Variants in TMEM87A observed in about 807,000 individuals in gnomAD.
TMEM87A encodes transmembrane protein 87A, also known as Golgi-pH regulating cation channel.
A neutral mutation model predicts 90.0 loss-of-function variants in TMEM87A; 50 were observed. That is an observed-to-expected ratio of 0.56 (90% confidence interval 0.44 to 0.70). TMEM87A has a LOEUF of 0.70. TMEM87A is among the 30% of genes least tolerant of loss of function. TMEM87A has a pLI of 0.00. For synonymous variants in TMEM87A, 226 were observed against 226.7 expected (o/e 1.00, Z 0.03); for missense variants, 577 against 660.5 (o/e 0.87, Z 1.39).
chr15:42,237,449 C>A lies in TMEM87A; in HGVS notation c.851G>T (p.Arg284Leu), dbSNP rs759547423. 1.2e-6 allele frequency: 2 copies of A among 1,613,804 alleles called. No homozygotes were observed. The highest frequency in any genetic ancestry group is 1.7e-6 in the Non-Finnish European group (2 of 1,179,962). ...AVFYAEFQNI[R>L]YKGESVQGAL... Reference sequence around the variant, plus strand: ...TTACTTACCAGATTCTCCTTTGTATCGGATATTCTGAAATTCCGCATAGAA... The same window carrying A: ...TTACTTACCAGATTCTCCTTTGTATAGGATATTCTGAAATTCCGCATAGAA... The change falls in exon 9 of 20, where the codon CGA becomes CTA. Residue 284 changes from arginine to leucine, a missense_variant. Transcript: ENST00000389834.
At chr15:42,237,656 G>C in intron 8 of TMEM87A, 41 bp from the exon 9 acceptor site, 2 of 1,468,850 alleles carry the variant, frequency 1.4e-6, no homozygotes, top group Non-Finnish European at 1.8e-6. Context: ...GAGAATTAGG[G>C]CCAAGAGCCA....
intron 12 of TMEM87A, among the ~76,000 whole-genome samples, 166 bp from the exon 13 acceptor site, chr15:42,228,986 A>G (rs553614338): frequency 1.3e-5 from 2 of 152,234 alleles, no homozygotes; most frequent in South Asian, 4.1e-4. Flanking sequence ...CTCAAGATGA[A>G]TAAGAAAGTC....
At chr15:42,248,365 T>C (rs532822021) in intron 6 of TMEM87A, among the ~76,000 whole-genome samples, 1 of 152,324 alleles carries the variant, frequency 6.6e-6, no homozygotes, top group Admixed American at 6.5e-5. Flanking sequence ...TCTGCCAGTT[T>C]TCAAAGGGAA....
chr15:42,221,371 A>T (rs2050482911), intron 15 of TMEM87A, among the ~76,000 whole-genome samples: 1 of 152,220 alleles, frequency 6.6e-6, no homozygotes, highest in Non-Finnish European at 1.5e-5. Context: ...GAAAAGCTGT[A>T]TATATTTTTA....
In TMEM87A at chr15:42,273,236, TAGTGA is replaced by T. The variant is rs766104790; in HGVS notation, c.144+14_144+18del. ...CCCTTGCTCCTCTAGGTTCAGACGT[TAGTGA>T]AGTGAATACTCACCGACGGTATCGG... On this transcript the variant is annotated intron_variant, in intron 1 of 19. Transcript: ENST00000389834. The T allele has an allele frequency of 2.3e-4, 373 of 1,613,814 alleles. 1 individual carries two copies. Among genetic ancestry groups the T allele is most frequent in the South Asian group, 3.7e-4 (34 of 91,078 alleles).
intron 1 of TMEM87A, chr15:42,272,694 C>T (rs2051564521): frequency 6.1e-6 from 2 of 325,704 alleles, no homozygotes; most frequent in East Asian, 8.4e-5. Context: ...ATTTTAAGTA[C>T]TATTTCTTCA....
chr15:42,218,129 T>C, intron 18 of TMEM87A, 194 bp downstream of exon 18: 2 of 666,116 alleles, frequency 3.0e-6, no homozygotes, highest in Non-Finnish European at 5.1e-6. Flanking sequence ...ATATACTACA[T>C]AGCTAAATCT....
chr15:42,259,203 G>C (rs908136370), intron 6 of TMEM87A, among the ~76,000 whole-genome samples: 1 of 152,036 alleles, frequency 6.6e-6, no homozygotes, highest in Non-Finnish European at 1.5e-5. Flanking sequence ...GCTCATTGCA[G>C]CCTCCACCTT....
At chr15:42,223,841 A>C (rs915019961) in intron 15 of TMEM87A, among the ~76,000 whole-genome samples, 5 of 152,278 alleles carry the variant, frequency 3.3e-5, no homozygotes, top group Non-Finnish European at 5.9e-5. Flanking sequence ...GAAATTAAAT[A>C]AAATGATGGG....
In TMEM87A at chr15:42,237,626, A is replaced by G. The variant is rs755016389; in HGVS notation, c.685-11T>C. ...CATCACCATGAAAAACTGTTATCAA[A>G]TTGGGTAAAAGATAAAAAGGAGAAT... On this transcript the variant is annotated splice_polypyrimidine_tract_variant and intron_variant, in intron 8 of 19. Transcript: ENST00000389834. 6.4e-7 allele frequency: 1 copy of G among 1,565,082 alleles called. No homozygotes were observed. Among genetic ancestry groups the G allele is most frequent in the African/African-American group, 1.4e-5 (1 of 73,280 alleles).
At chr15:42,231,855 C>A (rs1044577430) in intron 11 of TMEM87A, 1 of 1,273,030 alleles carries the variant, frequency 7.9e-7, no homozygotes, top group Non-Finnish European at 1.0e-6. Flanking sequence ...CATAAAATAA[C>A]ACAGGCGTCA....
chr15:42,262,141 G>C (rs2051307514), intron 4 of TMEM87A: 1 of 152,156 alleles, frequency 6.6e-6, no homozygotes, highest in African/African-American at 2.4e-5. Context: ...CAAGACCCTG[G>C]AAAGATTACA....
At chr15:42,244,767 G>A (rs1272971712) in intron 6 of TMEM87A, among the ~76,000 whole-genome samples, 1 of 145,684 alleles carries the variant, frequency 6.9e-6, no homozygotes, top group Non-Finnish European at 1.5e-5. Flanking sequence ...TTGAGGGGTA[G>A]TGACTCTTGC....
chr15:42,262,167 G>A (rs909439481), intron 4 of TMEM87A: 6 of 152,138 alleles, frequency 3.9e-5, no homozygotes, highest in African/African-American at 1.4e-4. Context: ...TCTAAAAGTA[G>A]TCAGCCTCCA....
In TMEM87A at chr15:42,226,918, C is replaced by A. The variant is rs1438842705; in HGVS notation, c.1300-9G>T. On this transcript the variant is annotated splice_polypyrimidine_tract_variant and intron_variant, in intron 14 of 19. Transcript: ENST00000389834. ...CACAGCTCCCGCCAGTCCTACAATACAGGGGAGAAGTACAACATTTATACA... is the reference window on the plus strand; with the variant it reads ...CACAGCTCCCGCCAGTCCTACAATAAAGGGGAGAAGTACAACATTTATACA... The A allele has an allele frequency of 5.6e-6, 9 of 1,613,146 alleles. No individual in the cohort carries two copies. Among genetic ancestry groups the A allele is most frequent in the Non-Finnish European group, 7.6e-6 (9 of 1,179,270 alleles).
At chr15:42,235,987 G>C (rs2050761916) in intron 10 of TMEM87A, among the ~76,000 whole-genome samples, 1 of 150,536 alleles carries the variant, frequency 6.6e-6, no homozygotes, top group African/African-American at 2.5e-5. Flanking sequence ...CAGCAAGAAT[G>C]CGTTTCCCAT....
At position 42,219,613 on chromosome 15, in the gene TMEM87A, C is replaced by T. The variant is rs1241727865; in HGVS notation, c.1507G>A (p.Glu503Lys). 6.2e-7 allele frequency: 1 copy of T among 1,600,714 alleles called. No individual in the cohort carries two copies. The highest frequency in any genetic ancestry group is 8.5e-7 in the Non-Finnish European group (1 of 1,172,940). Residue 503 changes from glutamate (E) to lysine (K), a missense_variant, in exon 17 of 20, where the codon GAA becomes AAA. Coordinates refer to ENST00000389834, the MANE Select transcript of TMEM87A (RefSeq NM_015497.5). ...EGMKMRSTKQ[E>K]PNGNSKVNKA... The stretch of plus-strand genomic sequence containing the variant: ...TTAACTTTACTATTTCCATTGGGTT[C>T]TTGTTTGGTACTTCTCATTTTCATT...
chr15:42,240,554 A>G (rs1284567476), intron 7 of TMEM87A, among the ~76,000 whole-genome samples: 4 of 152,250 alleles, frequency 2.6e-5, no homozygotes, highest in African/African-American at 9.6e-5. Flanking sequence ...TCTGAAAGAC[A>G]TATTTGCCTT....
intron 3 of TMEM87A, among the ~76,000 whole-genome samples, chr15:42,264,904 A>G (rs2051372264): frequency 6.6e-6 from 1 of 151,436 alleles, no homozygotes; most frequent in African/African-American, 2.4e-5. Flanking sequence ...CCTCTTTGTG[A>G]TCATGTGTTC....
Sources: allele counts gnomAD v4.1 joint callset (sites outside exome capture counted in the v4.1 genomes callset), GRCh38; gene constraint gnomAD v4.1.1; transcripts MANE v1.5; gene names NCBI Gene and HGNC (gene_info 2026-07-23, HGNC 2026-07-21).